Variants in RNF17 observed in about 807,000 individuals in gnomAD.
RNF17 encodes the protein spermatogenesis associated 23.
A neutral mutation model predicts 200.5 loss-of-function variants in RNF17; 31 were observed. That is an observed-to-expected ratio of 0.15 (90% CI 0.12 to 0.21). RNF17 has a LOEUF of 0.21. RNF17 is among the 10% of genes least tolerant of loss of function. RNF17 has a pLI of 1.00. For missense variants in RNF17, 1,628 were observed against 1,905.1 expected (o/e 0.85, Z 2.71); for synonymous variants, 606 against 637.8 (o/e 0.95, Z 0.75).
chr13:24,841,942 G>A, intron 18 of RNF17, 99 bp from the exon 19 acceptor site: 1 of 997,406 alleles, frequency 1.0e-6, no homozygotes, highest in Non-Finnish European at 1.5e-6. Flanking sequence ...CTCCAGCCTG[G>A]GCGACAGAGT....
At chr13:24,853,633 A>T (rs1892171279) in intron 24 of RNF17, among the ~76,000 whole-genome samples, 2 of 152,226 alleles carry the variant, frequency 1.3e-5, no homozygotes, top group South Asian at 4.1e-4. Flanking sequence ...TAGTCTGTAA[A>T]TATAGAAATT....
At position 24,854,110 on chromosome 13, in the gene RNF17, T is replaced by C. The variant is rs2138247087; in HGVS notation, c.3576T>C (p.Asp1192=). Residue 1192 remains aspartate, a synonymous_variant, in exon 25 of 36, where the codon GAT becomes GAC. Coordinates refer to ENST00000255324, the MANE Select transcript of RNF17 (RefSeq NM_031277.3). ...AGGCAACAGTCAGCTGTGTTGGTGA[T>C]GATGGAACTATATTTGTAGTACCTA... ...VFEATVSCVG[D]DGTIFVVPKL... 1 of 1,613,838 alleles carries C rather than the reference T, an allele frequency of 6.2e-7. No homozygotes were observed.
intron 29 of RNF17, among the ~76,000 whole-genome samples, chr13:24,865,476 T>C (rs1310358617): frequency 6.6e-6 from 1 of 152,228 alleles, no homozygotes; most frequent in Non-Finnish European, 1.5e-5. Flanking sequence ...TTCTGTGGTT[T>C]AGTACTTTAA....
At chr13:24,869,608 CTG>C (rs1295917491) in intron 31 of RNF17, among the ~76,000 whole-genome samples, 1 of 152,196 alleles carries the variant, frequency 6.6e-6, no homozygotes, top group African/African-American at 2.4e-5. Context: ...ACCTGGAAGG[CTG>C]TGTTTCCTGC....
chr13:24,868,418 C>T (rs1054051987), intron 30 of RNF17, among the ~76,000 whole-genome samples, 182 bp from the exon 31 acceptor site: 2 of 135,678 alleles, frequency 1.5e-5, no homozygotes, highest in Admixed American at 7.7e-5. Context: ...TGCAGTGAGC[C>T]GAGATCCCGC....
the RNF17 span, chr13:24,750,965 A>C: frequency 6.6e-6 from 1 of 152,048 alleles, no homozygotes; most frequent in Non-Finnish European, 1.5e-5. Context: ...CCTTTGGCAC[A>C]CTTTTTTTTG....
chr13:24,883,870 TATC>T (rs1953933945), downstream of RNF17: 5 of 1,432,450 alleles, frequency 3.5e-6, no homozygotes, highest in East Asian at 2.3e-5. Flanking sequence ...GGGTGTCACA[TATC>T]ATCAGAAACG....
In RNF17 at chr13:24,804,472, T is replaced by A. The variant is rs776647439; in HGVS notation, c.2091+43T>A. On this transcript the variant is annotated intron_variant, in intron 15 of 35. Transcript: ENST00000255324. ...TTTTGAAATGAAGTTTTTAAAAAAA[T>A]TTTAATTAGACATGTATAACAAGAA... 1.0e-5 allele frequency: 15 copies of A among 1,461,204 alleles called. No homozygotes were observed. The African/African-American group carries it at 1.3e-4, about 12-fold the overall frequency. 90.5% of individuals were successfully genotyped at this position (1,461,204 alleles called of 1,614,324 possible).
intron 3 of RNF17, among the ~76,000 whole-genome samples, chr13:24,776,751 C>A (rs1374451116): frequency 6.6e-6 from 1 of 152,160 alleles, no homozygotes; most frequent in Non-Finnish European, 1.5e-5. Flanking sequence ...GGGCTCACCC[C>A]CTCTGAAGGA....
chr13:24,768,365 A>C (rs1382624581), intron 2 of RNF17, among the ~76,000 whole-genome samples: 3 of 150,404 alleles, frequency 2.0e-5, no homozygotes, highest in Non-Finnish European at 4.4e-5. Flanking sequence ...GCTCACTGCA[A>C]CCTCCGCCTC....
At chr13:24,805,543 A>G (rs998611052) in intron 15 of RNF17, among the ~76,000 whole-genome samples, 1 of 152,170 alleles carries the variant, frequency 6.6e-6, no homozygotes, top group South Asian at 2.1e-4. Context: ...ATTCCTTTAT[A>G]TGGCTGAATA....
At chr13:24,776,656 C>T (rs927239513) in intron 3 of RNF17, among the ~76,000 whole-genome samples, 6 of 152,126 alleles carry the variant, frequency 3.9e-5, no homozygotes, top group Non-Finnish European at 7.3e-5. Context: ...CAAATTTGAA[C>T]ACCTACACGA....
In RNF17 at chr13:24,879,439, TCA is replaced by T. The variant is rs1895214093; in HGVS notation, c.*10+146_*10+147del. The T allele has an allele frequency of 1.3e-5, 8 of 616,846 alleles. No homozygotes were observed. In the East Asian group the frequency reaches 2.2e-4, roughly 17 times the overall value. The allele number at this position is 616,846 out of a possible 1,614,324, so 38.2% of individuals were successfully genotyped here. A position where few individuals can be genotyped will look rare whatever the true frequency, so the allele number is the denominator to read the frequency against. ...CACCAGATTTCTTCATAGGCCCTTC[TCA>T]CCTATTCAGCACTAGTATCAAAGAG... On this transcript the variant is annotated intron_variant, in intron 35 of 35. Coordinates refer to ENST00000255324, the MANE Select transcript of RNF17 (RefSeq NM_031277.3).
At position 24,789,715 on chromosome 13, in the gene RNF17, G is replaced by A. The variant is rs745589005; in HGVS notation, c.878G>A (p.Ser293Asn). ...TATTATAGGTTGAGTGTGAATTGCAGTGAGATCATCTGTATGTTCAACAAT... is the reference window on the plus strand; with the variant it reads ...TATTATAGGTTGAGTGTGAATTGCAATGAGATCATCTGTATGTTCAACAAT... ...RNPPRLSVNCSEIICMFNNMG... is the reference protein window; with the variant it reads ...RNPPRLSVNCNEIICMFNNMG... Residue 293 changes from serine (S) to asparagine (N), a missense_variant, in exon 9 of 36, where the codon AGT becomes AAT. By Grantham distance (46) the Ser-to-Asn change is conservative. Around this residue, in one of 5 missense-constraint regions of RNF17, gnomAD observed 502 missense variants for 501.7 expected, o/e 1.00. Coordinates refer to ENST00000255324, the MANE Select transcript of RNF17 (RefSeq NM_031277.3). 4 of 1,595,552 alleles carry A rather than the reference G, an allele frequency of 2.5e-6. No individual in the cohort carries two copies. In the Admixed American group the frequency reaches 6.7e-5, roughly 27 times the overall value.
Position 24,779,736 on chromosome 13 carries a change from A to G in RNF17, c.499A>G (p.Ile167Val), listed in dbSNP as rs756876925. Residue 167 changes from isoleucine (I) to valine (V), a missense_variant, in exon 5 of 36, where the codon ATT (isoleucine) becomes GTT (valine). By Grantham distance (29) the Ile-to-Val change is conservative. Around this residue, in one of 5 missense-constraint regions of RNF17, gnomAD observed 502 missense variants for 501.7 expected, o/e 1.00. Coordinates refer to ENST00000255324, the MANE Select transcript of RNF17 (RefSeq NM_031277.3). ...ACACCATAGTTTCGAACAGTTAAGC[A>G]TTGCTGGAAAAGTAAGCACTTTGCA... Reference protein sequence around the residue: ...TAHHSFEQLSIAGKALEHMQK... With the variant: ...TAHHSFEQLSVAGKALEHMQK... 1.9e-5 allele frequency: 30 copies of G among 1,612,654 alleles called. No homozygotes were observed. Among genetic ancestry groups the G allele is most frequent in the Non-Finnish European group, 2.5e-5 (30 of 1,178,924 alleles).
At chr13:24,762,394 G>T (rs915953039), upstream of RNF17, among the ~76,000 whole-genome samples, 29 of 89,348 alleles carry the variant, frequency 3.2e-4, no homozygotes, top group South Asian at 0.011. Context: ...AAAAAAAAAA[G>T]AGAATATGAA....
intron 25 of RNF17, among the ~76,000 whole-genome samples, chr13:24,856,521 G>A (rs1443434855): frequency 6.6e-6 from 1 of 151,496 alleles, no homozygotes; most frequent in Non-Finnish European, 1.5e-5. Flanking sequence ...TTTACATAAA[G>A]TCTTTAAGCT....
intron 30 of RNF17, among the ~76,000 whole-genome samples, chr13:24,867,230 ATTGCCCAGG>A (rs1337280823): frequency 2.6e-5 from 4 of 152,228 alleles, no homozygotes; most frequent in African/African-American, 9.6e-5. Flanking sequence ...GTCTCGCTAT[ATTGCCCAGG>A]CTGGTCTTGA....
the RNF17 span, among the ~76,000 whole-genome samples, chr13:24,759,101 A>AC: frequency 2.1e-4 from 31 of 151,214 alleles, no homozygotes; most frequent in Non-Finnish European, 8.8e-5. Context: ...AAAAAAAAAA[A>AC]AACAACACTT....
Sources: gnomAD v4.1 joint callset for allele counts (sites outside exome capture counted in the v4.1 genomes callset) on GRCh38, gnomAD v4.1.1 for gene constraint, gnomAD v4.1.1 regional missense constraint, MANE v1.5 for transcripts, NCBI Gene and HGNC (gene_info 2026-07-23, HGNC 2026-07-21) for gene names.